The following RMDN1 variants were observed in gnomAD, a reference collection of about 807,000 sequenced individuals.
The protein encoded by RMDN1 is regulator of microtubule dynamics protein 1.
In RMDN1, 48 loss-of-function variants were observed where a neutral mutation model predicts 48.9. That is an observed-to-expected ratio of 0.98 (90% confidence interval 0.78 to 1.25). The LOEUF is 1.25. RMDN1 is among the 50% of genes most tolerant of loss of function. The probability of loss-of-function intolerance (pLI) is 0.00; values close to 1 mark genes in which losing one functional copy is unlikely to be tolerated. For synonymous variants in RMDN1, 148 were observed against 132.6 expected, an observed-to-expected ratio of 1.12 and a Z score of -0.80; for missense variants, 418 against 373.4, an observed-to-expected ratio of 1.12 and a Z score of -0.98.
chr8:86,484,784 T>C, intron 5 of RMDN1, 88 bp downstream of exon 5: 4 of 671,870 alleles, frequency 6.0e-6, no homozygotes, highest in Non-Finnish European at 1.0e-5. Context: ...ATAGGTGGTT[T>C]GATATACAGC....
chr8:86,478,864 G>T, intron 7 of RMDN1, 59 bp downstream of exon 7: 1 of 1,326,648 alleles, frequency 7.5e-7, no homozygotes, highest in South Asian at 1.2e-5. Context: ...GTGAACACAT[G>T]GTAGAATGGC....
At chr8:86,468,294 T>C (rs1431547534), downstream of RMDN1, 3 of 407,144 alleles carry the variant, frequency 7.4e-6, no homozygotes, top group East Asian at 2.2e-4. Flanking sequence ...TTTATTTTTC[T>C]ACATATTGAG....
rs767397231 is a variant in RMDN1 at position 86,474,846 on chromosome 8, G to T, written c.868C>A (p.Pro290Thr). 4 of 1,612,608 alleles carry T rather than the reference G, an allele frequency of 2.5e-6. No individual in the cohort carries two copies. In the African/African-American group the frequency reaches 5.3e-5, roughly 22 times the overall value. The change falls in exon 9 of 10, where the codon CCA becomes ACA. Residue 290 changes from proline to threonine, a missense_variant. By Grantham distance (38) the Pro-to-Thr change is conservative. Coordinates refer to ENST00000406452, the MANE Select transcript of RMDN1 (RefSeq NM_016033.3). ...TGTTTATCCTCCTCTGTGTGTGCTG[G>T]ATAGTCCTTGGCTTTCATTAGCCAG... Reference protein sequence around the residue: ...AFWLMKAKDYPAHTEEDKQIQ... With the variant: ...AFWLMKAKDYTAHTEEDKQIQ...
intron 5 of RMDN1, among the ~76,000 whole-genome samples, chr8:86,483,164 T>G (rs1002143083): frequency 2.0e-5 from 3 of 152,266 alleles, no homozygotes; most frequent in Non-Finnish European, 4.4e-5. Flanking sequence ...ATTTGAAATG[T>G]AAGCAGTATA....
At chr8:86,505,312 A>C (rs1375453866) in intron 2 of RMDN1, 1 of 468,336 alleles carries the variant, frequency 2.1e-6, no homozygotes, top group Non-Finnish European at 4.2e-6. Context: ...TCATTTCAGG[A>C]GGCAATGGCC....
At chr8:86,503,371 C>CAAAAAAAAAAAAAAAAACAAAA (rs1818637794) in intron 2 of RMDN1, among the ~76,000 whole-genome samples, 9 of 68,038 alleles carry the variant, frequency 1.3e-4, no homozygotes, top group Non-Finnish European at 2.0e-4. Context: ...CAAAACAAAA[C>CAAAAAAAAAAAAAAAAACAAAA]AAAAAAAAAA....
At chr8:86,470,807 CATT>C (rs746884841), downstream of RMDN1, among the ~76,000 whole-genome samples, 3 of 152,022 alleles carry the variant, frequency 2.0e-5, no homozygotes, top group African/African-American at 2.4e-5. Flanking sequence ...ATTTGTATAA[CATT>C]GTTGAAATAA....
At chr8:86,507,314 C>T (rs1819532963) in intron 1 of RMDN1, among the ~76,000 whole-genome samples, 1 of 152,088 alleles carries the variant, frequency 6.6e-6, no homozygotes, top group Non-Finnish European at 1.5e-5. Context: ...CTGGAGTCGC[C>T]GCTCATCTAA....
chr8:86,506,397 T>C (rs920332704), intron 2 of RMDN1, among the ~76,000 whole-genome samples: 1 of 152,214 alleles, frequency 6.6e-6, no homozygotes, highest in Non-Finnish European at 1.5e-5. Flanking sequence ...TGCTTGTCTA[T>C]GTCTGTTACC....
At position 86,492,651 on chromosome 8, in the gene RMDN1, T is replaced by TTAATAA. The variant is rs71574272; in HGVS notation, c.248-4018_248-4013dup. Among the ~76,000 whole-genome samples the TTAATAA allele has an allele frequency of 8.4e-3, 1,207 of 144,264 alleles. 17 individuals carry two copies. The highest frequency in any genetic ancestry group is 0.022 in the African/African-American group (854 of 38,598). 94.6% of individuals were successfully genotyped at this position (144,264 alleles called of 152,430 possible). A position where few individuals can be genotyped will look rare whatever the true frequency, so the allele number is the denominator to read the frequency against. ...CTGGGGTACAGAGCAAGACTCCGCC[T>TTAATAA]TAATAATAATAATAATAATAATAAT... is the stretch of plus-strand genomic sequence containing the variant. On this transcript the variant is annotated intron_variant, in intron 2 of 9. Transcript: ENST00000406452.
chr8:86,491,106 T>G (rs546421203), intron 2 of RMDN1, among the ~76,000 whole-genome samples: 1 of 151,860 alleles, frequency 6.6e-6, no homozygotes, highest in Non-Finnish European at 1.5e-5. Flanking sequence ...AGCTATAATA[T>G]AATGGCTTTA....
At chr8:86,490,828 G>C (rs1816364307) in intron 2 of RMDN1, among the ~76,000 whole-genome samples, 1 of 151,882 alleles carries the variant, frequency 6.6e-6, no homozygotes, top group Admixed American at 6.6e-5. Flanking sequence ...ACATGATCCA[G>C]GAATTCTAAA....
intron 2 of RMDN1, among the ~76,000 whole-genome samples, chr8:86,493,690 A>T (rs1446520010): frequency 2.0e-5 from 3 of 152,206 alleles, no homozygotes. Flanking sequence ...ACATGATGCC[A>T]CAAGTAGAAA....
At chr8:86,487,460 T>C in intron 3 of RMDN1, among the ~76,000 whole-genome samples, 1 of 152,106 alleles carries the variant, frequency 6.6e-6, no homozygotes, top group East Asian at 1.9e-4. Context: ...TGGTGGCACA[T>C]GTCTGTAATC....
Position 86,508,641 on chromosome 8 carries a change from A to T in RMDN1, c.-21T>A, listed in dbSNP as rs374632685. ...GCCATGACCTGCAACTTGCGGGCTG[A>T]CCCTGCACTACTTCAGGCAGCTACG... On this transcript the variant is annotated 5_prime_UTR_variant, in exon 1 of 10. Transcript: ENST00000406452. 2.5e-6 allele frequency: 4 copies of T among 1,586,036 alleles called. No homozygotes were observed. The African/African-American group carries it at 4.1e-5, about 16-fold the overall frequency.
At chr8:86,504,110 T>C (rs570182205) in intron 2 of RMDN1, 35 of 1,105,832 alleles carry the variant, frequency 3.2e-5, no homozygotes, top group Non-Finnish European at 4.6e-5. Flanking sequence ...GAATTCAAAT[T>C]CATCCTTGGG....
intron 2 of RMDN1, among the ~76,000 whole-genome samples, 158 bp downstream of exon 2, chr8:86,506,837 G>GGAA (rs1424908427): frequency 6.6e-6 from 1 of 152,080 alleles, no homozygotes; most frequent in African/African-American, 2.4e-5. Context: ...AGTTAGGCAG[G>GGAA]GAAGTTGTTT....
intron 1 of RMDN1, among the ~76,000 whole-genome samples, chr8:86,507,500 G>A (rs574643001): frequency 6.6e-6 from 1 of 152,212 alleles, no homozygotes; most frequent in African/African-American, 2.4e-5. Flanking sequence ...AAATGTACAT[G>A]GCTAACTTTT....
At chr8:86,476,999 C>A (rs1455182979) in intron 8 of RMDN1, among the ~76,000 whole-genome samples, 1 of 152,158 alleles carries the variant, frequency 6.6e-6, no homozygotes, top group Non-Finnish European at 1.5e-5. Context: ...CCACATCTGG[C>A]CAATATGTGC....
Sources: gnomAD v4.1 joint callset for allele counts (sites outside exome capture counted in the v4.1 genomes callset) on GRCh38, gnomAD v4.1.1 for gene constraint, MANE v1.5 for transcripts, NCBI Gene and HGNC (gene_info 2026-07-23, HGNC 2026-07-21) for gene names.